Variants in CCDC134 observed in about 807,000 individuals in gnomAD.
CCDC134 encodes coiled-coil domain-containing protein 134.
CCDC134 carries 27 observed loss-of-function variants against 25.6 expected under a neutral mutation model. The observed-to-expected ratio is 1.05, with a 90% CI of 0.78 to 1.45. The LOEUF (loss-of-function observed/expected upper bound fraction) is 1.45, where lower values mean the gene tolerates loss of function less well. Among genes scored for constraint, CCDC134 ranks in the 40% most tolerant of loss-of-function variants. CCDC134 has a pLI of 0.00. For synonymous variants in CCDC134, 110 were observed against 115.0 expected (o/e 0.96, Z 0.28); for missense variants, 261 against 286.7 (o/e 0.91, Z 0.65).
At chr22:41,816,889 G>A (rs2148315129) in intron 6 of CCDC134, among the ~76,000 whole-genome samples, 1 of 152,302 alleles carries the variant, frequency 6.6e-6, no homozygotes, top group East Asian at 1.9e-4. Context: ...CTGCACTCCA[G>A]CCTGGCGACT....
In CCDC134 at chr22:41,825,688, T is replaced by C. The variant is rs1391936910; in HGVS notation, c.565-10T>C. On this transcript the variant is annotated splice_polypyrimidine_tract_variant and intron_variant, in intron 6 of 6. Coordinates refer to ENST00000255784, the MANE Select transcript of CCDC134 (RefSeq NM_024821.5). The surrounding 1 kb of genome is among the most constrained non-coding windows in gnomAD (Gnocchi z 4.4). ...CAGACTAAATCAGACTGCTCTTCTC[T>C]TCCCTTCAGTTCATTCCCAGCACTG... The C allele has an allele frequency of 6.2e-7, 1 of 1,613,814 alleles. No individual in the cohort carries two copies. The highest frequency in any genetic ancestry group is 2.2e-5 in the East Asian group (1 of 44,874).
rs1363583906 is a variant in CCDC134, at chr22:41,825,013, G to A, written c.565-685G>A. ...ATGCCGGGTGCAGGTGGGGCTCCTCGGTTTCTGCCCTGCTGCTCATCAGAA... is the reference window on the plus strand; with the variant it reads ...ATGCCGGGTGCAGGTGGGGCTCCTCAGTTTCTGCCCTGCTGCTCATCAGAA... On this transcript the variant is annotated intron_variant, in intron 6 of 6. Transcript: ENST00000255784. The surrounding 1 kb of genome is among the most constrained non-coding windows in gnomAD (Gnocchi z 4.4). Among the ~76,000 whole-genome samples, 2 of 152,020 alleles carry A rather than the reference G, an allele frequency of 1.3e-5. No individual in the cohort carries two copies. Among genetic ancestry groups the A allele is most frequent in the Non-Finnish European group, 2.9e-5 (2 of 68,012 alleles).
At chr22:41,803,632 G>C (rs2076554357) in intron 1 of CCDC134, among the ~76,000 whole-genome samples, 1 of 151,984 alleles carries the variant, frequency 6.6e-6, no homozygotes, top group Non-Finnish European at 1.5e-5. Flanking sequence ...GCCAGGCATG[G>C]TGATGCACAC....
chr22:41,808,812 C>T (rs2076580222), intron 1 of CCDC134, 63 bp from the exon 2 acceptor site: 1 of 1,288,502 alleles, frequency 7.8e-7, no homozygotes, highest in East Asian at 2.3e-5. Context: ...TTCACCTGTG[C>T]ACTCTATTTT....
Position 41,813,291 on chromosome 22 carries a change from CCTT to C in CCDC134, c.343_345del (p.Phe115del). ...TTCTCCCACGTGGTGGAGAACACGG[CCTT>C]CTTCGGCGATGTGGTGCTGCGCTTC... On this transcript the variant is annotated inframe_deletion, in exon 5 of 7. Coordinates refer to ENST00000255784, the MANE Select transcript of CCDC134 (RefSeq NM_024821.5). The C allele has an allele frequency of 6.8e-6, 11 of 1,614,188 alleles. No homozygotes were observed. Among genetic ancestry groups the C allele is most frequent in the Non-Finnish European group, 9.3e-6 (11 of 1,180,042 alleles).
chr22:41,801,477 G>A (rs1157852918), intron 1 of CCDC134, among the ~76,000 whole-genome samples: 4 of 152,148 alleles, frequency 2.6e-5, no homozygotes, highest in Admixed American at 1.3e-4. Flanking sequence ...GAGCCAAACA[G>A]ACACTTGGTT....
In CCDC134 at chr22:41,830,493, G is replaced by A. The variant is rs762411022; in HGVS notation, c.*4670G>A. On this transcript the variant is annotated 3_prime_UTR_variant, in exon 7 of 7. Coordinates refer to ENST00000255784, the MANE Select transcript of CCDC134 (RefSeq NM_024821.5). ...TACCAGTCACACACCAGTGTGAGGG[G>A]CCTTGCAAGAGCCACTGGGCAGCAC... 7.2e-5 allele frequency among the ~76,000 whole-genome samples: 11 copies of A among 152,186 alleles called. No homozygotes were observed. Among genetic ancestry groups the A allele is most frequent in the Non-Finnish European group, 1.3e-4 (9 of 68,024 alleles).
At chr22:41,817,725 C>CT (rs1256347288) in intron 6 of CCDC134, among the ~76,000 whole-genome samples, 6 of 136,196 alleles carry the variant, frequency 4.4e-5, no homozygotes, top group African/African-American at 1.4e-4. Context: ...GAGCAAGACT[C>CT]TGTCTTAAAT....
chr22:41,803,888 T>C lies in CCDC134; in HGVS notation c.-17+3122T>C, dbSNP rs1424615791. 2.6e-5 allele frequency among the ~76,000 whole-genome samples: 4 copies of C among 152,042 alleles called. No homozygotes were observed. The South Asian group carries it at 6.2e-4, about 24-fold the overall frequency. On this transcript the variant is annotated intron_variant, in intron 1 of 6. Coordinates refer to ENST00000255784, the MANE Select transcript of CCDC134 (RefSeq NM_024821.5). ...GGCTCACGCCTGTAATCCCAGCACT[T>C]TGGGAGGCTGAGACGGGCGGATCAC...
At chr22:41,818,986 AAGTTGAGTCC>A (rs1368735813) in intron 6 of CCDC134, among the ~76,000 whole-genome samples, 5 of 152,212 alleles carry the variant, frequency 3.3e-5, no homozygotes, top group African/African-American at 1.2e-4. Flanking sequence ...GTGCCAGGAT[AAGTTGAGTCC>A]AGCTTTATCA....
chr22:41,822,945 C>T (rs2076659337), intron 6 of CCDC134, among the ~76,000 whole-genome samples: 1 of 152,200 alleles, frequency 6.6e-6, no homozygotes, highest in Admixed American at 6.5e-5. Flanking sequence ...CAGATTATTC[C>T]ACAAGGTGGA....
Position 41,808,950 on chromosome 22 carries a change from C to T in CCDC134, c.60C>T (p.Ala20=). 6.2e-7 allele frequency: 1 copy of T among 1,614,146 alleles called. No individual in the cohort carries two copies. Residue 20 remains alanine, a synonymous_variant, in exon 2 of 7, where the codon GCC becomes GCT. Transcript: ENST00000255784. ...TCCTGCTTTTGTCTGGGATGGGAGC[C>T]ACAGGCACCTTGAGGACCTCCCTGG... ...LFVLLLSGMG[A]TGTLRTSLDP...
At chr22:41,815,196 T>C in intron 6 of CCDC134, among the ~76,000 whole-genome samples, 1 of 145,748 alleles carries the variant, frequency 6.9e-6, no homozygotes, top group South Asian at 2.1e-4. Flanking sequence ...CAAATTTTCT[T>C]TTCTTTTCTT....
chr22:41,808,857 T>G lies in CCDC134; in HGVS notation c.-16-18T>G. 1 of 1,568,164 alleles carries G rather than the reference T, an allele frequency of 6.4e-7. No homozygotes were observed. On this transcript the variant is annotated intron_variant, in intron 1 of 6. Transcript: ENST00000255784. ...CGATCTCTGAGTCTCACTCTCTTTC[T>G]TTGGGTTATTCTTCCAGCTCAAGAG...
intron 6 of CCDC134, among the ~76,000 whole-genome samples, chr22:41,819,963 T>TCATATATATATATATA (rs57794600): frequency 1.2e-5 from 1 of 82,628 alleles, no homozygotes; most frequent in Non-Finnish European, 2.1e-5. Context: ...ACTTACCACT[T>TCATATATATATATATA]TATATATATA....
intron 1 of CCDC134, among the ~76,000 whole-genome samples, chr22:41,807,296 A>G (rs2076572485): frequency 1.3e-5 from 2 of 152,084 alleles, no homozygotes; most frequent in African/African-American, 4.8e-5. Flanking sequence ...GGGTGCAGTG[A>G]CTCACACCTG....
At chr22:41,820,683 G>A (rs1375018499) in intron 6 of CCDC134, among the ~76,000 whole-genome samples, 1 of 152,210 alleles carries the variant, frequency 6.6e-6, no homozygotes, top group Non-Finnish European at 1.5e-5. Context: ...GGAGCGTTAA[G>A]CATGACTAGA....
chr22:41,810,963 T>G (rs1021467219), intron 4 of CCDC134, among the ~76,000 whole-genome samples: 19 of 152,220 alleles, frequency 1.2e-4, no homozygotes, highest in Non-Finnish European at 2.9e-5. Context: ...GGCTCTTCCC[T>G]CTGAATCAGG....
intron 6 of CCDC134, among the ~76,000 whole-genome samples, chr22:41,824,616 C>G (rs1180212022): frequency 6.6e-6 from 1 of 152,060 alleles, no homozygotes; most frequent in Non-Finnish European, 1.5e-5. Flanking sequence ...AAAAATTAGC[C>G]AGGTGTGGTG....
Sources: allele counts gnomAD v4.1 joint callset (sites outside exome capture counted in the v4.1 genomes callset), GRCh38; gene constraint gnomAD v4.1.1; non-coding constraint Gnocchi (gnomAD v3.1); transcripts MANE v1.5; gene names NCBI Gene and HGNC (gene_info 2026-07-23, HGNC 2026-07-21).